Variants in KIF1B observed in about 807,000 individuals in gnomAD.
KIF1B encodes kinesin family member 1B.
A neutral mutation model predicts 241.9 loss-of-function variants in KIF1B; 76 were observed. The observed-to-expected ratio is 0.31, with a 90% CI of 0.26 to 0.38. The LOEUF (loss-of-function observed/expected upper bound fraction) is 0.38, where lower values mean the gene tolerates loss of function less well. Among genes scored for constraint, KIF1B ranks in the 10% least tolerant of loss-of-function variants. The pLI, the probability that KIF1B is intolerant of heterozygous loss-of-function variation, is 1.00. For missense variants in KIF1B, 1,622 were observed against 2,271.4 expected, an observed-to-expected ratio of 0.71 and a Z score of 5.81; for synonymous variants, 750 against 796.7, an observed-to-expected ratio of 0.94 and a Z score of 0.99.
intron 1 of KIF1B, among the ~76,000 whole-genome samples, chr1:10,212,883 C>CGTGTGT (rs200621535): frequency 1.5e-5 from 1 of 64,888 alleles, no homozygotes; most frequent in South Asian, 6.0e-4. Context: ...TGTGTGCATG[C>CGTGTGT]GTGTGTGTAT....
Position 10,220,865 on chromosome 1 carries a change from G to C in KIF1B, c.-80+9987G>C, listed in dbSNP as rs902389790. 3.9e-5 allele frequency among the ~76,000 whole-genome samples: 6 copies of C among 151,974 alleles called. No individual in the cohort carries two copies. In the East Asian group the frequency reaches 1.2e-3, roughly 29 times the overall value. ...TTTAATAGAGACGGAGTTTCACCAT[G>C]CTGGCCAGGCTGGTCTTGAACTCCT... is the stretch of plus-strand genomic sequence containing the variant. On this transcript the variant is annotated intron_variant, in intron 1 of 48. Coordinates refer to ENST00000676179, the MANE Select transcript of KIF1B (RefSeq NM_001365951.3).
At chr1:10,310,620 C>G (rs1048811956) in intron 22 of KIF1B, among the ~76,000 whole-genome samples, 8 of 151,124 alleles carry the variant, frequency 5.3e-5, no homozygotes, top group Non-Finnish European at 1.0e-4. Flanking sequence ...ATAGCTACTT[C>G]TGATAAATAT....
rs569802303 is a variant in KIF1B, at chr1:10,369,312, G to T, written c.4824+774G>T. Among the ~76,000 whole-genome samples the T allele has an allele frequency of 2.0e-5, 3 of 152,312 alleles. 1 individual carries two copies. The South Asian group carries it at 6.2e-4, about 32-fold the overall frequency. ...TAGAACAATGCCTAGTACATGGAAGGTGCACCACTGTAATACCACTTATAT... is the reference window on the plus strand; with the variant it reads ...TAGAACAATGCCTAGTACATGGAAGTTGCACCACTGTAATACCACTTATAT... On this transcript the variant is annotated intron_variant, in intron 44 of 48. Transcript: ENST00000676179.
chr1:10,273,009 T>G lies in KIF1B; in HGVS notation c.865-5T>G. 1 of 1,546,232 alleles carries G rather than the reference T, an allele frequency of 6.5e-7. No homozygotes were observed. ...ATTTTCTCCTTTAAATGCTTTCACC[T>G]GTAGGATAACTGCACTAGCAAGGTA... On this transcript the variant is annotated splice_region_variant and splice_polypyrimidine_tract_variant and intron_variant, in intron 9 of 48. Coordinates refer to ENST00000676179, the MANE Select transcript of KIF1B (RefSeq NM_001365951.3).
intron 43 of KIF1B, among the ~76,000 whole-genome samples, chr1:10,366,222 C>T (rs993678673): frequency 2.0e-5 from 3 of 152,098 alleles, no homozygotes; most frequent in African/African-American, 7.2e-5. Context: ...CAGAGTGACA[C>T]TCCATCTCAA....
In KIF1B at chr1:10,303,862, G is replaced by T; in HGVS notation, c.2115+6616G>T. The T allele has an allele frequency of 6.2e-7, 1 of 1,614,184 alleles. No homozygotes were observed. Among genetic ancestry groups the T allele is most frequent in the Non-Finnish European group, 8.5e-7 (1 of 1,180,044 alleles). On this transcript the variant is annotated intron_variant, in intron 22 of 48. Coordinates refer to ENST00000676179, the MANE Select transcript of KIF1B (RefSeq NM_001365951.3). The surrounding 1 kb of genome is among the most constrained non-coding windows in gnomAD (Gnocchi z 5.2). ...CACCTCTGAGAATAATGTAAGTAAA[G>T]GAGACAATGGAGAACTTGCAAAAGA... is the stretch of plus-strand genomic sequence containing the variant.
intron 1 of KIF1B, among the ~76,000 whole-genome samples, chr1:10,227,115 A>G (rs1042221586): frequency 1.0e-4 from 14 of 139,902 alleles, no homozygotes; most frequent in South Asian, 4.4e-4. Context: ...AGCTCACTGC[A>G]ACCTCTGCCT....
chr1:10,306,211 A>G, intron 22 of KIF1B: 2 of 1,040,478 alleles, frequency 1.9e-6, no homozygotes, highest in Non-Finnish European at 2.3e-6. Context: ...TCATAGCTAG[A>G]ACAGTTGAAG....
chr1:10,222,914 T>C (rs1470202066), intron 1 of KIF1B, among the ~76,000 whole-genome samples: 1 of 152,210 alleles, frequency 6.6e-6, no homozygotes, highest in Non-Finnish European at 1.5e-5. Context: ...AAGATGTATT[T>C]TTTTGCTAAT....
At position 10,264,358 on chromosome 1, in the gene KIF1B, G is replaced by GCA. The variant is rs1569624248; in HGVS notation, c.429+2388_429+2389insCA. On this transcript the variant is annotated intron_variant, in intron 5 of 48. Coordinates refer to ENST00000676179, the MANE Select transcript of KIF1B (RefSeq NM_001365951.3). ...GATCTGCCAGGTGGCATCTGGAGTG[G>GCA]TTGGTGCAGAAGTAAAAGAAATGAT... Among the ~76,000 whole-genome samples the GCA allele has an allele frequency of 2.6e-5, 4 of 152,216 alleles. No homozygotes were observed. The East Asian group carries it at 7.7e-4, about 29-fold the overall frequency.
At chr1:10,376,122 A>T (rs1638883033) in intron 48 of KIF1B, among the ~76,000 whole-genome samples, 1 of 152,054 alleles carries the variant, frequency 6.6e-6, no homozygotes, top group African/African-American at 2.4e-5. Context: ...GTATTTTTCA[A>T]AATAAATTTA....
Position 10,263,874 on chromosome 1 carries a change from TC to T in KIF1B, c.429+1906del, listed in dbSNP as rs1384988042. ...GACCTCTCTACCTGTCTCTTCTACT[TC>T]CTTCCCTGTTTACTCTGCTCCACCC... On this transcript the variant is annotated intron_variant, in intron 5 of 48. Coordinates refer to ENST00000676179, the MANE Select transcript of KIF1B (RefSeq NM_001365951.3). Among the ~76,000 whole-genome samples the T allele has an allele frequency of 5.9e-5, 9 of 152,278 alleles. No individual in the cohort carries two copies. The South Asian group carries it at 1.9e-3, about 32-fold the overall frequency.
intron 38 of KIF1B, among the ~76,000 whole-genome samples, chr1:10,357,578 A>AG (rs1638286728): frequency 6.6e-6 from 1 of 152,076 alleles, no homozygotes; most frequent in Non-Finnish European, 1.5e-5. Context: ...GAAAAAAAAA[A>AG]ATTAATTAGC....
At chr1:10,354,836 T>C (rs1652919509) in intron 38 of KIF1B, among the ~76,000 whole-genome samples, 1 of 152,204 alleles carries the variant, frequency 6.6e-6, no homozygotes, top group South Asian at 2.1e-4. Context: ...GTTAATATGG[T>C]AAGTGGCAAA....
At chr1:10,278,236 TA>T in intron 13 of KIF1B, 108 bp downstream of exon 13, 1 of 1,150,232 alleles carries the variant, frequency 8.7e-7, no homozygotes, top group Admixed American at 2.1e-5. Flanking sequence ...ATGATGAAGC[TA>T]AATGGTAGTG....
Position 10,381,093 on chromosome 1 carries a change from C to T in KIF1B, c.*4506C>T, listed in dbSNP as rs1276411460. ...AGGTTGGTCTCTTGCCAAACCGTGG[C>T]TGTTGTGTGTTGTTCTTCATGTCTT... On this transcript the variant is annotated 3_prime_UTR_variant, in exon 49 of 49. Transcript: ENST00000676179. 2 of 222,614 alleles carry T rather than the reference C, an allele frequency of 9.0e-6. No homozygotes were observed. Among genetic ancestry groups the T allele is most frequent in the East Asian group, 1.3e-4 (2 of 15,236 alleles). The allele number at this position is 222,614 out of a possible 1,614,324, so 13.8% of individuals were successfully genotyped here.
In KIF1B at chr1:10,303,234, T is replaced by C; in HGVS notation, c.2115+5988T>C. 1.9e-6 allele frequency: 3 copies of C among 1,614,124 alleles called. No individual in the cohort carries two copies. The highest frequency in any genetic ancestry group is 2.5e-6 in the Non-Finnish European group (3 of 1,179,986). On this transcript the variant is annotated intron_variant, in intron 22 of 48. Transcript: ENST00000676179. This position sits in a 1 kb window ranked among gnomAD's most constrained non-coding sequence, Gnocchi z 5.2. Reference sequence around the variant, plus strand: ...AAGAGAGCTGGAAACTGATTACTTCTCTGAGAGAAAAGCTACCTCCCAGCA... The same window carrying C: ...AAGAGAGCTGGAAACTGATTACTTCCCTGAGAGAAAAGCTACCTCCCAGCA...
intron 31 of KIF1B, among the ~76,000 whole-genome samples, chr1:10,338,398 A>G (rs1652262326): frequency 6.6e-6 from 1 of 152,204 alleles, no homozygotes; most frequent in African/African-American, 2.4e-5. Context: ...GTAAGCCACT[A>G]ATATCATTTG....
chr1:10,215,744 C>T (rs1026658849), intron 1 of KIF1B, among the ~76,000 whole-genome samples: 1 of 151,934 alleles, frequency 6.6e-6, no homozygotes, highest in Non-Finnish European at 1.5e-5. Flanking sequence ...GGAGGTCTCA[C>T]TATATTGCCT....
Sources: allele counts gnomAD v4.1 joint callset (sites outside exome capture counted in the v4.1 genomes callset), GRCh38; gene constraint gnomAD v4.1.1; non-coding constraint Gnocchi (gnomAD v3.1); transcripts MANE v1.5; gene names NCBI Gene and HGNC (gene_info 2026-07-23, HGNC 2026-07-21).